The following TXLNB variants were observed in gnomAD, a reference collection of about 807,000 sequenced individuals.
TXLNB encodes taxilin beta, also known as beta-taxilin.
In TXLNB, 37 loss-of-function variants were observed where a neutral mutation model predicts 57.4. The ratio of observed to expected loss-of-function variants is 0.64; its 90% CI spans 0.50 to 0.85. TXLNB has a LOEUF of 0.85. Among genes scored for constraint, TXLNB ranks in the 40% least tolerant of loss-of-function variants. The pLI, the probability that TXLNB is intolerant of heterozygous loss-of-function variation, is 0.00. For synonymous variants in TXLNB, 302 were observed against 309.6 expected (o/e 0.98, Z 0.26); for missense variants, 848 against 825.6 (o/e 1.03, Z -0.33).
rs1476888021 is a variant in TXLNB at position 139,241,691 on chromosome 6, T to A, written c.*835A>T. 1 of 152,264 alleles carries A rather than the reference T, an allele frequency of 6.6e-6. No individual in the cohort carries two copies. The highest frequency in any genetic ancestry group is 1.5e-5 in the Non-Finnish European group (1 of 68,046). 9.4% of individuals were successfully genotyped at this position (152,264 alleles called of 1,614,324 possible). On this transcript the variant is annotated 3_prime_UTR_variant, in exon 10 of 10. Transcript: ENST00000358430. ...CTTTTCTGTTTTGGGCCCCTTGTGG[T>A]CATCTTTGTGTCCATGCTGTCTGCA...
chr6:139,280,366 T>C (rs1470400332), intron 2 of TXLNB, among the ~76,000 whole-genome samples: 4 of 151,976 alleles, frequency 2.6e-5, no homozygotes, highest in Non-Finnish European at 4.4e-5. Context: ...ACTTTTAGCA[T>C]AGTAATGATT....
chr6:139,256,656 A>C (rs561766559), intron 6 of TXLNB, among the ~76,000 whole-genome samples: 132 of 152,352 alleles, frequency 8.7e-4, no homozygotes, highest in African/African-American at 2.7e-3. Context: ...GTACATCCAG[A>C]ATCATTCTCC....
chr6:139,190,305 C>CTTT, the TXLNB span, among the ~76,000 whole-genome samples: 273 of 108,824 alleles, frequency 2.5e-3, 2 homozygotes, highest in Non-Finnish European at 2.8e-3. Flanking sequence ...TTCTTTCTTT[C>CTTT]TTTCTTTTTT....
chr6:139,299,155 C>A, the TXLNB span, among the ~76,000 whole-genome samples: 8 of 152,166 alleles, frequency 5.3e-5, no homozygotes, highest in African/African-American at 9.7e-5. Context: ...TTGGCTTGTT[C>A]CCATTGGCTG....
In TXLNB at chr6:139,240,727, T is replaced by C. The variant is rs1775913561; in HGVS notation, c.*1799A>G. The C allele has an allele frequency of 6.6e-6, 1 of 152,670 alleles. No individual in the cohort carries two copies. The highest frequency in any genetic ancestry group is 1.5e-5 in the Non-Finnish European group (1 of 68,046). 9.5% of individuals were successfully genotyped at this position (152,670 alleles called of 1,614,324 possible). A position where few individuals can be genotyped will look rare whatever the true frequency, so the allele number is the denominator to read the frequency against. ...TAGCGACAAGCTTTTTTCCTGATTT[T>C]TTTTCCTGCCTAGCAACTTTGTTAT... On this transcript the variant is annotated 3_prime_UTR_variant, in exon 10 of 10. Transcript: ENST00000358430.
chr6:139,275,749 G>A (rs913463502), intron 3 of TXLNB, among the ~76,000 whole-genome samples: 3 of 152,180 alleles, frequency 2.0e-5, no homozygotes, highest in African/African-American at 7.2e-5. Flanking sequence ...GGGATGAAGA[G>A]TTTGTGGGCC....
chr6:139,242,747 C>T lies in TXLNB; in HGVS notation c.1834G>A (p.Gly612Ser), dbSNP rs148532287. 973 of 1,613,614 alleles carry T rather than the reference C, an allele frequency of 6.0e-4. 1 individual carries two copies. Among genetic ancestry groups the T allele is most frequent in the African/African-American group, 5.2e-3 (390 of 74,888 alleles). Residue 612 changes from glycine to serine, a missense_variant, in exon 10 of 10, where the codon GGT (glycine) becomes AGT (serine). Transcript: ENST00000358430. The part of the protein sequence containing the change: ...ASWKPEAEAS[G>S]QAPQAPTEAS... ...TCGGTGGGAGCCTGTGGGGCCTGAC[C>T]GGAAGCTTCTGCCTCTGGCTTCCAG...
the TXLNB span, among the ~76,000 whole-genome samples, chr6:139,223,875 G>A: frequency 6.6e-6 from 1 of 151,458 alleles, no homozygotes; most frequent in Non-Finnish European, 1.5e-5. Context: ...AACCATTGTG[G>A]AAGTCAGTGT....
At chr6:139,165,461 C>A in the TXLNB span, among the ~76,000 whole-genome samples, 1 of 152,184 alleles carries the variant, frequency 6.6e-6, no homozygotes, top group East Asian at 1.9e-4. Flanking sequence ...TATTGTACAT[C>A]CTGTGGATTT....
At chr6:139,211,187 G>A in the TXLNB span, among the ~76,000 whole-genome samples, 15 of 152,226 alleles carry the variant, frequency 9.9e-5, no homozygotes, top group African/African-American at 3.6e-4. Context: ...GCCTCCTCAA[G>A]TGGGTCCCTG....
downstream of TXLNB, among the ~76,000 whole-genome samples, chr6:139,238,722 T>C (rs191027906): frequency 1.8e-4 from 28 of 152,358 alleles, no homozygotes; most frequent in East Asian, 2.5e-3. Context: ...TTAAACCTTG[T>C]GAAAATTGAA....
chr6:139,251,358 C>A (rs1465523275), intron 7 of TXLNB: 2 of 152,164 alleles, frequency 1.3e-5, no homozygotes. Flanking sequence ...TTCCAGTGAC[C>A]AGTCTAACAT....
the TXLNB span, chr6:139,177,975 C>T: frequency 1.2e-4 from 18 of 152,308 alleles, no homozygotes; most frequent in Non-Finnish European, 2.5e-4. The surrounding 1 kb of genome is among the most constrained non-coding windows in gnomAD (Gnocchi z 4.9). Flanking sequence ...CAGAATCTAA[C>T]TGGTGAGCTT....
the TXLNB span, chr6:139,177,131 A>C: frequency 1.2e-6 from 1 of 817,834 alleles, no homozygotes; most frequent in Non-Finnish European, 2.2e-6. The surrounding 1 kb of genome is among the most constrained non-coding windows in gnomAD (Gnocchi z 4.9). Flanking sequence ...AGTAATAGCT[A>C]TTTTATTGAT....
intron 6 of TXLNB, among the ~76,000 whole-genome samples, chr6:139,259,018 T>C (rs113565746): frequency 1.1e-3 from 174 of 152,332 alleles, no homozygotes; most frequent in African/African-American, 4.0e-3. Flanking sequence ...CATCCTTGAC[T>C]TTCTCCTTTT....
the TXLNB span, among the ~76,000 whole-genome samples, chr6:139,190,594 C>G: frequency 2.6e-5 from 4 of 152,026 alleles, no homozygotes; most frequent in Non-Finnish European, 4.4e-5. Flanking sequence ...CAGGAGTGAG[C>G]CACCACGCCT....
rs141859449 is a variant in TXLNB at position 139,288,740 on chromosome 6, C to T, written c.160G>A (p.Asp54Asn). The change falls in exon 2 of 10, where the codon GAT becomes AAT. Residue 54 changes from aspartate to asparagine, a missense_variant. Transcript: ENST00000358430. ...PPEKEASVHP[D>N]ISEELNRQLE... is the part of the protein sequence containing the mutation. ...TGTCGATTCAGCTCTTCAGAGATATCGGGGTGCACACTTGCCTCTTTCTCT... is the reference window on the plus strand; with the variant it reads ...TGTCGATTCAGCTCTTCAGAGATATTGGGGTGCACACTTGCCTCTTTCTCT... 44 of 1,614,150 alleles carry T rather than the reference C, an allele frequency of 2.7e-5. 1 individual carries two copies. The South Asian group carries it at 3.4e-4, about 12-fold the overall frequency.
the TXLNB span, among the ~76,000 whole-genome samples, chr6:139,195,913 T>C: frequency 6.6e-6 from 1 of 152,004 alleles, no homozygotes; most frequent in Admixed American, 6.6e-5. Context: ...AAAGATGACA[T>C]TTTTCCCATC....
chr6:139,253,960 C>T (rs1287718489), intron 7 of TXLNB, among the ~76,000 whole-genome samples: 3 of 152,104 alleles, frequency 2.0e-5, no homozygotes, highest in Non-Finnish European at 4.4e-5. Flanking sequence ...GAGGTCACAC[C>T]CCCTTTCCTT....
Sources: allele counts gnomAD v4.1 joint callset (sites outside exome capture counted in the v4.1 genomes callset), GRCh38; gene constraint gnomAD v4.1.1; non-coding constraint Gnocchi (gnomAD v3.1); transcripts MANE v1.5; gene names NCBI Gene and HGNC (gene_info 2026-07-23, HGNC 2026-07-21).